NFIA: variants seen among roughly 807,000 people sequenced by gnomAD.
The protein encoded by NFIA is nuclear factor I A, also known as nuclear factor 1 A-type.
Under a neutral mutation model 62.8 loss-of-function variants are expected in NFIA, and 8 were observed. That is an observed-to-expected ratio of 0.13 (90% CI 0.07 to 0.23). NFIA has a LOEUF of 0.23. NFIA is among the 10% of genes least tolerant of loss of function. NFIA has a pLI of 1.00. For missense variants in NFIA, 410 were observed against 642.1 expected (o/e 0.64, Z 3.91); for synonymous variants, 235 against 238.1 (o/e 0.99, Z 0.12).
At chr1:61,143,098 A>C (rs1446510461) in intron 2 of NFIA, among the ~76,000 whole-genome samples, 1 of 152,134 alleles carries the variant, frequency 6.6e-6, no homozygotes, top group East Asian at 1.9e-4. Flanking sequence ...GCTTTTCCTC[A>C]AAAGGTTTTT....
At chr1:61,169,020 CTGTT>C (rs1649768997) in intron 2 of NFIA, among the ~76,000 whole-genome samples, 1 of 152,166 alleles carries the variant, frequency 6.6e-6, no homozygotes, top group Non-Finnish European at 1.5e-5. Flanking sequence ...CTATCAGGCT[CTGTT>C]TGTGGGAAGC....
chr1:61,211,272 T>C (rs1352496996), intron 2 of NFIA, among the ~76,000 whole-genome samples: 3 of 152,218 alleles, frequency 2.0e-5, no homozygotes, highest in Non-Finnish European at 4.4e-5. Flanking sequence ...AAGTTATGTT[T>C]CTCAGTCATT....
Position 61,194,378 on chromosome 1 carries a change from G to A in NFIA, c.560-83142G>A, listed in dbSNP as rs151026662. 9.9e-3 allele frequency among the ~76,000 whole-genome samples: 1,513 copies of A among 152,266 alleles called. 16 individuals are homozygous for A. Among genetic ancestry groups the A allele is most frequent in the Middle Eastern group, 0.058 (17 of 294 alleles). The stretch of plus-strand genomic sequence containing the variant: ...TCAGATCGCTGTCAGATTTCTTTGA[G>A]TGAACAGAGTCACTTCTTTTTCTGA... On this transcript the variant is annotated intron_variant, in intron 2 of 10. Coordinates refer to ENST00000403491, the MANE Select transcript of NFIA (RefSeq NM_001134673.4).
intron 10 of NFIA, among the ~76,000 whole-genome samples, chr1:61,437,132 G>A (rs1390886872): frequency 6.6e-6 from 1 of 152,176 alleles, no homozygotes; most frequent in Admixed American, 6.5e-5. Context: ...ACCCTTTGCT[G>A]CCCTCCAGGG....
chr1:61,239,115 A>G (rs1655178478), intron 2 of NFIA, among the ~76,000 whole-genome samples: 2 of 152,350 alleles, frequency 1.3e-5, no homozygotes, highest in Middle Eastern at 3.4e-3. Context: ...TATCCTGTTC[A>G]GGATTTCTCA....
At chr1:61,193,542 A>G (rs1349467145) in intron 2 of NFIA, among the ~76,000 whole-genome samples, 4 of 152,198 alleles carry the variant, frequency 2.6e-5, no homozygotes, top group Admixed American at 6.5e-5. Flanking sequence ...AAAATAAGTC[A>G]TTCTTCCTCT....
At chr1:61,280,938 A>G (rs1658091654) in intron 3 of NFIA, among the ~76,000 whole-genome samples, 1 of 152,216 alleles carries the variant, frequency 6.6e-6, no homozygotes, top group East Asian at 1.9e-4. Flanking sequence ...TTTTCTTACC[A>G]GTAAAACAGA....
intron 9 of NFIA, among the ~76,000 whole-genome samples, chr1:61,418,401 A>G (rs1279943734): frequency 6.6e-6 from 1 of 152,122 alleles, no homozygotes; most frequent in Admixed American, 6.5e-5. Context: ...TCAAGGCTGC[A>G]GTGAGCCATG....
In NFIA at chr1:61,168,866, C is replaced by CT. The variant is rs1239494354; in HGVS notation, c.559+80192dup. On this transcript the variant is annotated intron_variant, in intron 2 of 10. Transcript: ENST00000403491. ...TCATTTACCAACTTATCAGCATTTC[C>CT]TTTTTTGCAGCAAGACTTACTTCCT... Among the ~76,000 whole-genome samples the CT allele has an allele frequency of 2.6e-5, 4 of 152,160 alleles. No individual in the cohort carries two copies. The East Asian group carries it at 5.8e-4, about 22-fold the overall frequency.
At chr1:61,426,231 G>T (rs958882763) in intron 9 of NFIA, among the ~76,000 whole-genome samples, 92 of 152,200 alleles carry the variant, frequency 6.0e-4, no homozygotes, top group African/African-American at 2.1e-3. Flanking sequence ...AAAATAGCTC[G>T]TCTGAGCATT....
intron 2 of NFIA, among the ~76,000 whole-genome samples, chr1:61,236,717 T>C (rs1230452660): frequency 6.6e-6 from 1 of 152,120 alleles, no homozygotes; most frequent in East Asian, 1.9e-4. Context: ...AATGGCTCAG[T>C]GTATTCATCA....
intron 10 of NFIA, among the ~76,000 whole-genome samples, chr1:61,445,502 CA>C (rs1557444849): frequency 6.6e-6 from 1 of 152,184 alleles, no homozygotes; most frequent in African/African-American, 2.4e-5. Context: ...TTTGAAACTG[CA>C]AACTCTCCCA....
intron 2 of NFIA, among the ~76,000 whole-genome samples, chr1:61,102,235 C>T (rs200878474): frequency 2.0e-5 from 3 of 152,274 alleles, no homozygotes; most frequent in South Asian, 4.1e-4. Context: ...AGACAGATTT[C>T]TTTGTCTAAC....
chr1:61,109,504 G>C (rs931451720), intron 2 of NFIA, among the ~76,000 whole-genome samples: 6 of 151,146 alleles, frequency 4.0e-5, no homozygotes, highest in Admixed American at 3.3e-4. Context: ...TTTTTTTTTG[G>C]TGTGTTCTTT....
intron 2 of NFIA, among the ~76,000 whole-genome samples, chr1:61,152,277 C>G (rs1181370352): frequency 6.6e-6 from 1 of 152,158 alleles, no homozygotes; most frequent in Admixed American, 6.5e-5. Flanking sequence ...GAACTTCAAC[C>G]TTTTATACAA....
At chr1:61,352,765 A>G (rs1662618206) in intron 5 of NFIA, among the ~76,000 whole-genome samples, 198 bp downstream of exon 5, 1 of 125,586 alleles carries the variant, frequency 8.0e-6, no homozygotes, top group Admixed American at 7.5e-5. Context: ...ATACACACAC[A>G]CACACACACA....
At chr1:61,202,978 G>A (rs1364129549) in intron 2 of NFIA, among the ~76,000 whole-genome samples, 1 of 152,208 alleles carries the variant, frequency 6.6e-6, no homozygotes, top group East Asian at 1.9e-4. Flanking sequence ...ACAAAAACTG[G>A]TCATCCGTCC....
chr1:61,195,189 T>G (rs1651908266), intron 2 of NFIA, among the ~76,000 whole-genome samples: 1 of 152,220 alleles, frequency 6.6e-6, no homozygotes, highest in Non-Finnish European at 1.5e-5. Context: ...GGTGTACATT[T>G]GTAAGTTTTC....
Position 61,094,305 on chromosome 1 carries a change from A to T in NFIA, c.559+5625A>T, listed in dbSNP as rs192523808. On this transcript the variant is annotated intron_variant, in intron 2 of 10. Transcript: ENST00000403491. ...ATGCTTTGTTAAAGAGAAACATAAA[A>T]CCCTGAACTTAATCACAAATGGAGA... is the stretch of plus-strand genomic sequence containing the variant. Among the ~76,000 whole-genome samples the T allele has an allele frequency of 4.2e-3, 634 of 152,134 alleles. 8 individuals carry two copies. The highest frequency in any genetic ancestry group is 0.015 in the African/African-American group (604 of 41,464).
Sources: allele counts gnomAD v4.1 joint callset (sites outside exome capture counted in the v4.1 genomes callset), GRCh38; gene constraint gnomAD v4.1.1; transcripts MANE v1.5; gene names NCBI Gene and HGNC (gene_info 2026-07-23, HGNC 2026-07-21).